The following FRMPD4 variants were observed in gnomAD, a reference collection of about 807,000 sequenced individuals.
FRMPD4 encodes FERM and PDZ domain-containing protein 4.
A neutral mutation model predicts 94.1 loss-of-function variants in FRMPD4; 22 were observed. That is an observed-to-expected ratio of 0.23 (90% confidence interval 0.17 to 0.33). The LOEUF (loss-of-function observed/expected upper bound fraction) is 0.33, where lower values mean the gene tolerates loss of function less well. FRMPD4 is among the 10% of genes least tolerant of loss of function. FRMPD4 has a pLI of 1.00. For missense variants in FRMPD4, 1,111 were observed against 1,339.9 expected (o/e 0.83, Z 2.67); for synonymous variants, 631 against 548.6 (o/e 1.15, Z -2.10).
intron 3 of FRMPD4, among the ~76,000 whole-genome samples, chrX:12,041,167 A>G (rs2054752628): frequency 8.9e-6 from 1 of 111,962 alleles, no homozygotes; most frequent in Non-Finnish European, 1.9e-5. Context: ...TAGTGTTATA[A>G]TTGTTGCTTT....
chrX:12,643,146 T>TG (rs2059515469), intron 4 of FRMPD4, among the ~76,000 whole-genome samples: 1 of 110,165 alleles, frequency 9.1e-6, no homozygotes, highest in Non-Finnish European at 1.9e-5. Context: ...AATTCAGTTT[T>TG]TTTTTTTTTG....
rs779823772 is a variant in FRMPD4, at chrX:12,145,174, G to A, written c.41+6162G>A. On this transcript the variant is annotated intron_variant, in intron 1 of 16. Transcript: ENST00000675598. ...GTAGGCAAAAGTTCATAAAATTAAT[G>A]GTAAAATTTTCCTAATGAATGTAGG... Among the ~76,000 whole-genome samples, 355 of 111,764 alleles carry A rather than the reference G, an allele frequency of 3.2e-3. 2 individuals are homozygous for A. Among genetic ancestry groups the A allele is most frequent in the Non-Finnish European group, 4.2e-3 (225 of 53,126 alleles).
chrX:12,445,444 T>C (rs1569278932), intron 1 of FRMPD4, among the ~76,000 whole-genome samples: 1 of 112,216 alleles, frequency 8.9e-6, no homozygotes, highest in East Asian at 2.8e-4. Context: ...ATAGTAGAAT[T>C]AGAGAAAAGA....
intron 3 of FRMPD4, among the ~76,000 whole-genome samples, chrX:11,898,838 A>G (rs1349007469): frequency 9.0e-6 from 1 of 111,692 alleles, no homozygotes; most frequent in East Asian, 2.8e-4. Flanking sequence ...GTGTGCTATG[A>G]GAGTCACAGA....
rs146907470 is a variant in FRMPD4, at chrX:12,717,729, C to T, written c.2903C>T (p.Ser968Leu). The T allele has an allele frequency of 6.0e-5, 73 of 1,210,032 alleles. No individual in the cohort carries two copies. The highest frequency in any genetic ancestry group is 2.7e-4 in the East Asian group (9 of 33,775). ...TPAGGLPPKSSHALAARPATD... is the reference protein window; with the variant it reads ...TPAGGLPPKSLHALAARPATD... ...GCTGGGGGCTTGCCTCCAAAGTCCTCGCACGCCCTGGCTGCTAGGCCAGCA... is the reference window on the plus strand; with the variant it reads ...GCTGGGGGCTTGCCTCCAAAGTCCTTGCACGCCCTGGCTGCTAGGCCAGCA... Residue 968 changes from serine (S) to leucine (L), a missense_variant, in exon 16 of 17, where the codon TCG becomes TTG. Transcript: ENST00000675598.
At chrX:12,193,759 A>T (rs1484484913) in intron 1 of FRMPD4, among the ~76,000 whole-genome samples, 1 of 11,651 alleles carries the variant, frequency 8.6e-5, no homozygotes, top group Non-Finnish European at 1.3e-4. Flanking sequence ...AAACAGAAAG[A>T]AAGAAAGAAA....
At chrX:12,498,631 A>G (rs1424157897) in intron 1 of FRMPD4, 49 bp from the exon 2 acceptor site, 1 of 694,659 alleles carries the variant, frequency 1.4e-6, no homozygotes, top group South Asian at 2.1e-5. Flanking sequence ...TCTCAGAAGG[A>G]ATGTTCAGGA....
At chrX:12,406,408 A>G (rs1290037208) in intron 1 of FRMPD4, among the ~76,000 whole-genome samples, 2 of 111,983 alleles carry the variant, frequency 1.8e-5, no homozygotes, top group African/African-American at 6.5e-5. Flanking sequence ...TGGAAATCTA[A>G]AAATTGGCTT....
intron 4 of FRMPD4, among the ~76,000 whole-genome samples, chrX:12,660,876 C>T (rs2059706477): frequency 9.0e-6 from 1 of 111,663 alleles, no homozygotes; most frequent in South Asian, 3.8e-4. Flanking sequence ...CTTCTTTTGT[C>T]ATATGTTGTT....
intron 1 of FRMPD4, among the ~76,000 whole-genome samples, chrX:11,839,327 T>G (rs1209413803): frequency 8.9e-6 from 1 of 111,940 alleles, no homozygotes; most frequent in Non-Finnish European, 1.9e-5. Flanking sequence ...ATTGTGGTTT[T>G]TATTTGCGTT....
chrX:12,356,084 A>C (rs1023058297), intron 1 of FRMPD4, among the ~76,000 whole-genome samples: 9 of 111,297 alleles, frequency 8.1e-5, no homozygotes, highest in Non-Finnish European at 1.7e-4. Context: ...GAGATGGTGA[A>C]TGTTTCTTTC....
chrX:12,716,010 C>CCCCCCCCCCCAA, intron 14 of FRMPD4, 59 bp from the exon 15 acceptor site: 1 of 336,948 alleles, frequency 3.0e-6, no homozygotes, highest in Non-Finnish European at 5.3e-6. Context: ...CTCCCACCCC[C>CCCCCCCCCCCAA]GCCCCACCCA....
intron 2 of FRMPD4, among the ~76,000 whole-genome samples, chrX:12,502,958 A>C (rs2148233057): frequency 8.9e-6 from 1 of 112,123 alleles, no homozygotes; most frequent in Admixed American, 9.4e-5. Context: ...ACACAAGATA[A>C]GGTATTTTAA....
intron 1 of FRMPD4, among the ~76,000 whole-genome samples, chrX:11,854,610 C>T (rs1004343096): frequency 3.6e-5 from 4 of 112,543 alleles, no homozygotes; most frequent in Non-Finnish European, 7.5e-5. Context: ...CTACAAGCCC[C>T]TGCAAGTCTG....
At chrX:12,233,107 A>G (rs2057031141) in intron 1 of FRMPD4, among the ~76,000 whole-genome samples, 2 of 111,949 alleles carry the variant, frequency 1.8e-5, no homozygotes, top group Non-Finnish European at 3.8e-5. Context: ...CACAAATCCA[A>G]TTTTCCAAAG....
In FRMPD4 at chrX:12,039,694, A is replaced by C. The variant is rs769648506; in HGVS notation, c.95+161676A>C. ...AGGAAAAATAAACATGTAAGGCTGG[A>C]TACGGTGGCTCATGCCTGTAATCCC... On this transcript the variant is annotated intron_variant, in intron 3 of 18. Transcript: ENST00000640291. Among the ~76,000 whole-genome samples the C allele has an allele frequency of 3.6e-5, 4 of 110,671 alleles. No individual in the cohort carries two copies. In the South Asian group the frequency reaches 1.5e-3, roughly 42 times the overall value.
intron 16 of FRMPD4, among the ~76,000 whole-genome samples, 169 bp downstream of exon 16, chrX:12,718,959 C>G (rs1236651110): frequency 8.9e-6 from 1 of 112,619 alleles, no homozygotes; most frequent in African/African-American, 3.2e-5. Flanking sequence ...TTAATAAATA[C>G]TAAAGATTAT....
At chrX:12,444,668 C>A (rs2057175584) in intron 1 of FRMPD4, among the ~76,000 whole-genome samples, 1 of 111,519 alleles carries the variant, frequency 9.0e-6, no homozygotes, top group Non-Finnish European at 1.9e-5. Flanking sequence ...AAGAGCATGA[C>A]ACTGACATCT....
chrX:12,401,022 C>G (rs2056602521), intron 1 of FRMPD4, among the ~76,000 whole-genome samples: 1 of 112,052 alleles, frequency 8.9e-6, no homozygotes, highest in Admixed American at 9.5e-5. Context: ...TGATTAGAAG[C>G]AAGTCCAATG....
Sources: gnomAD v4.1 joint callset for allele counts (sites outside exome capture counted in the v4.1 genomes callset) on GRCh38, gnomAD v4.1.1 for gene constraint, MANE v1.5 for transcripts, NCBI Gene and HGNC (gene_info 2026-07-23, HGNC 2026-07-21) for gene names.